SLC5A6: variants seen among roughly 807,000 people sequenced by gnomAD.
SLC5A6 encodes the protein solute carrier family 5 member 6.
In SLC5A6, 31 loss-of-function variants were observed where a neutral mutation model predicts 67.9. The observed-to-expected ratio is 0.46, with a 90% CI of 0.34 to 0.62. The LOEUF (loss-of-function observed/expected upper bound fraction) is 0.62, where lower values mean the gene tolerates loss of function less well. Among genes scored for constraint, SLC5A6 ranks in the 20% least tolerant of loss-of-function variants. SLC5A6 has a pLI of 0.01. For missense variants in SLC5A6, 673 were observed against 812.8 expected (o/e 0.83, Z 2.09); for synonymous variants, 343 against 331.0 (o/e 1.04, Z -0.39).
At chr2:27,203,624 A>G (rs1457230276) in intron 10 of SLC5A6, among the ~76,000 whole-genome samples, 155 bp downstream of exon 10, 2 of 152,228 alleles carry the variant, frequency 1.3e-5, no homozygotes, top group Admixed American at 1.3e-4. Context: ...GTGGCCTACA[A>G]AGATGAGCTA....
rs1674188244 is a variant in SLC5A6, at chr2:27,207,839, T to C, written c.-140-49A>G. 1.6e-6 allele frequency: 1 copy of C among 611,930 alleles called. No individual in the cohort carries two copies. The highest frequency in any genetic ancestry group is 2.9e-6 in the Non-Finnish European group (1 of 348,484). 37.9% of individuals were successfully genotyped at this position (611,930 alleles called of 1,614,324 possible). A position where few individuals can be genotyped will look rare whatever the true frequency, so the allele number is the denominator to read the frequency against. The stretch of plus-strand genomic sequence containing the variant: ...GAGGCCTATCTGGCCTTGGTAGCCA[T>C]TCACCCTTGGGCCTTGTACATCGCA... On this transcript the variant is annotated intron_variant, in intron 2 of 16. Transcript: ENST00000310574. The surrounding 1 kb of genome is among the most constrained non-coding windows in gnomAD (Gnocchi z 5.5).
At position 27,203,214 on chromosome 2, in the gene SLC5A6, T is replaced by C. The variant is rs1572386557; in HGVS notation, c.1207+19A>G. On this transcript the variant is annotated intron_variant, in intron 11 of 16. Transcript: ENST00000310574. ...CTTAGAAAGACCCAGACTGAAGAGA[T>C]GAGGAAGCATAACCCCACCAAGGCC... The C allele has an allele frequency of 4.3e-6, 7 of 1,613,928 alleles. No homozygotes were observed. The highest frequency in any genetic ancestry group is 5.1e-6 in the Non-Finnish European group (6 of 1,179,960).
chr2:27,206,426 C>A, intron 5 of SLC5A6, 57 bp downstream of exon 5: 1 of 1,534,066 alleles, frequency 6.5e-7, no homozygotes, highest in South Asian at 1.1e-5. Context: ...CTGCCTCTCC[C>A]AAAGGTGCTT....
intron 5 of SLC5A6, 190 bp from the exon 6 acceptor site, chr2:27,206,283 G>A (rs1674057376): frequency 1.4e-6 from 1 of 698,108 alleles, no homozygotes; most frequent in East Asian, 2.7e-5. Flanking sequence ...GTTCAGATAG[G>A]GCATGGTAAC....
chr2:27,203,918 G>T (rs745405368), intron 9 of SLC5A6, 51 bp from the exon 10 acceptor site: 2 of 1,393,900 alleles, frequency 1.4e-6, no homozygotes. Flanking sequence ...GGTCTTCCCA[G>T]GGCCGGCTCT....
At position 27,202,005 on chromosome 2, in the gene SLC5A6, G is replaced by A. The variant is rs1178720713; in HGVS notation, c.1345C>T (p.Pro449Ser). The A allele has an allele frequency of 6.2e-7, 1 of 1,614,090 alleles. No individual in the cohort carries two copies. Among genetic ancestry groups the A allele is most frequent in the Non-Finnish European group, 8.5e-7 (1 of 1,179,932 alleles). ...TCACTCACAGGAGGGTTAGCACATG[G>A]AAAGAACATTCCAAGGCAGAAGAGT... ...LGLFCLGMFFPCANPPGAVVG... is the reference protein window; with the variant it reads ...LGLFCLGMFFSCANPPGAVVG... The change falls in exon 13 of 17, where the codon CCA becomes TCA. Residue 449 changes from proline (P) to serine (S), a missense_variant. By Grantham distance (74) the Pro-to-Ser change is moderately conservative. Coordinates refer to ENST00000310574, the MANE Select transcript of SLC5A6 (RefSeq NM_021095.4).
intron 2 of SLC5A6, among the ~76,000 whole-genome samples, chr2:27,210,932 G>A (rs1375159038): frequency 6.6e-6 from 1 of 152,164 alleles, no homozygotes; most frequent in Admixed American, 6.5e-5. Flanking sequence ...GTTGAGGCAG[G>A]AGAATGGCGT....
At chr2:27,202,997 C>T in intron 11 of SLC5A6, 117 bp from the exon 12 acceptor site, 1 of 1,543,422 alleles carries the variant, frequency 6.5e-7, no homozygotes, top group Non-Finnish European at 8.7e-7. Flanking sequence ...AAACAAAAGG[C>T]ATATTACATC....
chr2:27,211,938 G>C (rs915453716), intron 1 of SLC5A6, 82 bp downstream of exon 1: 1 of 438,764 alleles, frequency 2.3e-6, no homozygotes, highest in Non-Finnish European at 4.0e-6. Context: ...GAGCCCGGCC[G>C]AGAGCCCTGG....
At chr2:27,209,424 TC>T (rs1314272887) in intron 2 of SLC5A6, among the ~76,000 whole-genome samples, 2 of 152,212 alleles carry the variant, frequency 1.3e-5, no homozygotes, top group Non-Finnish European at 2.9e-5. Flanking sequence ...GCTAACATTT[TC>T]AAAACAGCAT....
intron 2 of SLC5A6, among the ~76,000 whole-genome samples, chr2:27,209,089 C>G (rs1016847795): frequency 2.0e-5 from 3 of 152,180 alleles, no homozygotes; most frequent in Admixed American, 1.3e-4. Context: ...ACCAACCCCC[C>G]ACCACTGACG....
At position 27,204,541 on chromosome 2, in the gene SLC5A6, A is replaced by G. The variant is rs1310662577; in HGVS notation, c.925T>C (p.Cys309Arg). 1 of 1,614,008 alleles carries G rather than the reference A, an allele frequency of 6.2e-7. No homozygotes were observed. The highest frequency in any genetic ancestry group is 8.5e-7 in the Non-Finnish European group (1 of 1,179,992). Reference protein sequence around the residue: ...PFQQVSLCVGCLIGLVMFAYY... With the variant: ...PFQQVSLCVGRLIGLVMFAYY... Reference sequence around the variant, plus strand: ...GCGAACATGACCAGGCCAATGAGGCAGCCCACGCAGAGGGACACCTGCTGG... The same window carrying G: ...GCGAACATGACCAGGCCAATGAGGCGGCCCACGCAGAGGGACACCTGCTGG... The change falls in exon 9 of 17, where the codon TGC (cysteine) becomes CGC (arginine). Residue 309 changes from cysteine (C) to arginine (R), a missense_variant. Cys to Arg is a radical substitution (Grantham distance 180, BLOSUM62 -3). Coordinates refer to ENST00000310574, the MANE Select transcript of SLC5A6 (RefSeq NM_021095.4).
chr2:27,201,473 G>GATTAGCAACAATTAGC lies in SLC5A6; in HGVS notation c.1545-21_1545-20insGCTAATTGTTGCTAAT, dbSNP rs760322392. The GATTAGCAACAATTAGC allele has an allele frequency of 5.3e-5, 82 of 1,543,022 alleles. No homozygotes were observed. Among genetic ancestry groups the GATTAGCAACAATTAGC allele is most frequent in the Non-Finnish European group, 7.0e-5 (78 of 1,115,432 alleles). ...GTGGGCCTGGGAAGAGCAGAGGTGAGAACAATTAGCAATTCGTTGGCAGGG... is the reference window on the plus strand; with the variant it reads ...GTGGGCCTGGGAAGAGCAGAGGTGAGATTAGCAACAATTAGCAACAATTAGCAATTCGTTGGCAGGG... On this transcript the variant is annotated intron_variant, in intron 14 of 16. Coordinates refer to ENST00000310574, the MANE Select transcript of SLC5A6 (RefSeq NM_021095.4).
intron 11 of SLC5A6, 54 bp from the exon 12 acceptor site, chr2:27,202,934 TG>T (rs1245233844): frequency 1.2e-6 from 2 of 1,605,308 alleles, no homozygotes; most frequent in Non-Finnish European, 1.7e-6. Context: ...ACACAAGCAA[TG>T]GGGTAAAGCA....
chr2:27,205,126 G>A, intron 7 of SLC5A6, 195 bp from the exon 8 acceptor site: 1 of 725,116 alleles, frequency 1.4e-6, no homozygotes, highest in Admixed American at 2.8e-5. Context: ...TTCCACCCCA[G>A]GCTCATTCCA....
rs199685602 is a variant in SLC5A6, at chr2:27,206,040, C to T, written c.565G>A (p.Val189Ile). The T allele has an allele frequency of 4.8e-5, 78 of 1,613,834 alleles. 1 individual carries two copies. Among genetic ancestry groups the T allele is most frequent in the Admixed American group, 1.7e-4 (10 of 60,018 alleles). Residue 189 changes from valine to isoleucine, a missense_variant, in exon 6 of 17, where the codon GTC becomes ATC. By Grantham distance (29) the Val-to-Ile change is conservative. Transcript: ENST00000310574. The stretch of plus-strand genomic sequence containing the variant: ...ACTGCACTTACCAGAGCTGTATAGA[C>T]GGTACAGACAATGCCCAGGGCCAGC... ...SVLALGIVCTVYTALGGLKAV... is the reference protein window; with the variant it reads ...SVLALGIVCTIYTALGGLKAV...
At chr2:27,204,009 C>T (rs1400974396) in intron 9 of SLC5A6, 142 bp from the exon 10 acceptor site, 1 of 635,292 alleles carries the variant, frequency 1.6e-6, no homozygotes, top group African/African-American at 1.8e-5. Flanking sequence ...GCCTGGGGCA[C>T]CTCTGCTGAC....
chr2:27,209,324 A>G (rs1159020793), intron 2 of SLC5A6, among the ~76,000 whole-genome samples: 2 of 152,256 alleles, frequency 1.3e-5, no homozygotes, highest in Non-Finnish European at 2.9e-5. Flanking sequence ...ACAGCCTAAC[A>G]TGACGACAGT....
chr2:27,207,160 TGGA>T lies in SLC5A6; in HGVS notation c.393+95_393+97del, dbSNP rs1674136376. ...TGAGTTTTCTGTCCCTCTCATTAGG[TGGA>T]GGAGGTCTAGGGTCCCAGGTCCTTC... On this transcript the variant is annotated intron_variant, in intron 3 of 16. Transcript: ENST00000310574. This position sits in a 1 kb window ranked among gnomAD's most constrained non-coding sequence, Gnocchi z 5.5. 1 of 1,290,800 alleles carries T rather than the reference TGGA, an allele frequency of 7.7e-7. No individual in the cohort carries two copies. Among genetic ancestry groups the T allele is most frequent in the Non-Finnish European group, 1.1e-6 (1 of 909,580 alleles). 80.0% of individuals were successfully genotyped at this position (1,290,800 alleles called of 1,614,324 possible). A position where few individuals can be genotyped will look rare whatever the true frequency, so the allele number is the denominator to read the frequency against.
Sources: allele counts gnomAD v4.1 joint callset (sites outside exome capture counted in the v4.1 genomes callset), GRCh38; gene constraint gnomAD v4.1.1; non-coding constraint Gnocchi (gnomAD v3.1); transcripts MANE v1.5; gene names NCBI Gene and HGNC (gene_info 2026-07-23, HGNC 2026-07-21).